CSGALNACT1: variants seen among roughly 807,000 people sequenced by gnomAD.
CSGALNACT1 encodes the protein beta4GalNAcT-1.
CSGALNACT1 carries 52 observed loss-of-function variants against 51.0 expected under a neutral mutation model. The ratio of observed to expected loss-of-function variants is 1.02; its 90% CI spans 0.82 to 1.29. The LOEUF (loss-of-function observed/expected upper bound fraction) is 1.29, where lower values mean the gene tolerates loss of function less well. Among genes scored for constraint, CSGALNACT1 ranks in the 50% most tolerant of loss-of-function variants. CSGALNACT1 has a pLI of 0.00. For missense variants in CSGALNACT1, 935 were observed against 679.2 expected (o/e 1.38, Z -4.19); for synonymous variants, 341 against 254.4 (o/e 1.34, Z -3.24).
At chr8:19,676,620 G>T (rs2060211626) in intron 1 of CSGALNACT1, among the ~76,000 whole-genome samples, 1 of 152,124 alleles carries the variant, frequency 6.6e-6, no homozygotes, top group African/African-American at 2.4e-5. Flanking sequence ...GTATAAGAAG[G>T]AACAGAGGAA....
chr8:19,722,539 C>A (rs1164979590), intron 1 of CSGALNACT1, among the ~76,000 whole-genome samples: 1 of 152,108 alleles, frequency 6.6e-6, no homozygotes, highest in East Asian at 1.9e-4. Context: ...AAGTCAACAC[C>A]ATTTGCACAT....
rs73599234 is a variant in CSGALNACT1 at position 19,662,669 on chromosome 8, G to C, written c.-544+19804C>G. Among the ~76,000 whole-genome samples the C allele has an allele frequency of 7.5e-3, 1,143 of 152,308 alleles. 15 individuals carry two copies. Among genetic ancestry groups the C allele is most frequent in the African/African-American group, 0.026 (1,099 of 41,568 alleles). Reference sequence around the variant, plus strand: ...GTGAAACATCTGTGCCTGCTAAGTGGATGCTAGGGTGTGTGTGGTAAACAA... The same window carrying C: ...GTGAAACATCTGTGCCTGCTAAGTGCATGCTAGGGTGTGTGTGGTAAACAA... On this transcript the variant is annotated intron_variant, in intron 1 of 9. Coordinates refer to the CSGALNACT1 transcript ENST00000332246.
chr8:19,415,761 C>T (rs2056743620), intron 8 of CSGALNACT1, among the ~76,000 whole-genome samples: 1 of 152,186 alleles, frequency 6.6e-6, no homozygotes, highest in African/African-American at 2.4e-5. Flanking sequence ...CCCAAAGGAA[C>T]TTTAACTTTG....
chr8:19,481,822 A>G (rs2071478191), intron 4 of CSGALNACT1, among the ~76,000 whole-genome samples: 1 of 152,262 alleles, frequency 6.6e-6, no homozygotes, highest in East Asian at 1.9e-4. Context: ...CATGTATCAA[A>G]CCCATCTTAT....
chr8:19,714,372 C>A (rs1030654993), intron 1 of CSGALNACT1, among the ~76,000 whole-genome samples: 2 of 151,990 alleles, frequency 1.3e-5, no homozygotes, highest in Non-Finnish European at 2.9e-5. Flanking sequence ...CTGGTAACCC[C>A]CTGAGCCTCT....
intron 1 of CSGALNACT1, among the ~76,000 whole-genome samples, chr8:19,747,786 T>C (rs1295802633): frequency 6.6e-6 from 1 of 151,686 alleles, no homozygotes; most frequent in East Asian, 1.9e-4. Context: ...CTGTAGAAAC[T>C]TGTCTACACC....
chr8:19,689,288 C>G (rs944159301), intron 1 of CSGALNACT1, among the ~76,000 whole-genome samples: 1 of 152,098 alleles, frequency 6.6e-6, no homozygotes, highest in African/African-American at 2.4e-5. Flanking sequence ...CAGCCCATGG[C>G]GTGTTCTACA....
chr8:19,578,995 C>T (rs1479633131), intron 3 of CSGALNACT1, among the ~76,000 whole-genome samples: 2 of 152,134 alleles, frequency 1.3e-5, no homozygotes. Flanking sequence ...TCCTTAAGTG[C>T]TAGGAATCCA....
intron 1 of CSGALNACT1, among the ~76,000 whole-genome samples, chr8:19,756,879 C>G (rs2065421370): frequency 6.6e-6 from 1 of 152,066 alleles, no homozygotes; most frequent in Non-Finnish European, 1.5e-5. Flanking sequence ...AAACCGACCC[C>G]GGGAGCGCAG....
At chr8:19,619,824 T>G (rs1244035758) in intron 1 of CSGALNACT1, among the ~76,000 whole-genome samples, 2 of 152,108 alleles carry the variant, frequency 1.3e-5, no homozygotes, top group Non-Finnish European at 2.9e-5. Flanking sequence ...CTTGAGAGAT[T>G]AGAGAGTAAC....
At chr8:19,509,227 T>C (rs1156402425) in intron 3 of CSGALNACT1, among the ~76,000 whole-genome samples, 1 of 152,026 alleles carries the variant, frequency 6.6e-6, no homozygotes, top group East Asian at 1.9e-4. Flanking sequence ...AGGCTGGGAG[T>C]ATCTGCTTCC....
At chr8:19,433,447 T>C (rs1402388121) in intron 6 of CSGALNACT1, among the ~76,000 whole-genome samples, 2 of 152,332 alleles carry the variant, frequency 1.3e-5, no homozygotes, top group African/African-American at 2.4e-5. Context: ...GAATATCTAA[T>C]CTCCCAGTAT....
chr8:19,538,834 G>T (rs979606598), intron 3 of CSGALNACT1, among the ~76,000 whole-genome samples: 1 of 152,000 alleles, frequency 6.6e-6, no homozygotes, highest in Non-Finnish European at 1.5e-5. Context: ...CCTGCCCCCA[G>T]ACTCTGTGTC....
At chr8:19,418,709 G>T in exon 8 of CSGALNACT1, 2 of 1,613,650 alleles carry the variant, frequency 1.2e-6, no homozygotes, top group Non-Finnish European at 1.7e-6. Flanking sequence ...ATTATGCCAG[G>T]ATTGTACTGA....
intron 1 of CSGALNACT1, among the ~76,000 whole-genome samples, chr8:19,751,283 AGAT>A (rs944054639): frequency 2.6e-5 from 4 of 152,164 alleles, no homozygotes; most frequent in African/African-American, 9.7e-5. Context: ...CGTAAAACGC[AGAT>A]GATAAGAGTG....
intron 3 of CSGALNACT1, among the ~76,000 whole-genome samples, chr8:19,590,698 G>A (rs1207173933): frequency 2.2e-5 from 3 of 137,304 alleles, no homozygotes; most frequent in African/African-American, 8.6e-5. Context: ...CGCCCAGGCT[G>A]GAGTGCATTG....
intron 3 of CSGALNACT1, among the ~76,000 whole-genome samples, chr8:19,539,488 TA>T (rs1395282269): frequency 1.3e-5 from 2 of 152,194 alleles, no homozygotes; most frequent in Admixed American, 1.3e-4. Context: ...AAGCACTGAA[TA>T]AGTACGTTTT....
At chr8:19,439,041 C>G (rs1408753910) in intron 6 of CSGALNACT1, among the ~76,000 whole-genome samples, 1 of 152,186 alleles carries the variant, frequency 6.6e-6, no homozygotes, top group East Asian at 1.9e-4. Context: ...TGCACAGAAA[C>G]CACCCACCTG....
intron 4 of CSGALNACT1, among the ~76,000 whole-genome samples, chr8:19,467,459 C>T (rs2066974839): frequency 6.6e-6 from 1 of 151,992 alleles, no homozygotes; most frequent in Admixed American, 6.5e-5. Flanking sequence ...GCCCTTCTTC[C>T]CTTGCAGAGA....
Sources: allele counts gnomAD v4.1 joint callset (sites outside exome capture counted in the v4.1 genomes callset), GRCh38; gene constraint gnomAD v4.1.1; transcripts MANE v1.5; gene names NCBI Gene and HGNC (gene_info 2026-07-23, HGNC 2026-07-21).